Variants in KIAA1217 observed in about 807,000 individuals in gnomAD.
KIAA1217 encodes the protein sickle tail protein homolog.
A neutral mutation model predicts 163.9 loss-of-function variants in KIAA1217; 88 were observed. The ratio of observed to expected loss-of-function variants is 0.54; its 90% CI spans 0.45 to 0.64. KIAA1217 has a LOEUF of 0.64. Among genes scored for constraint, KIAA1217 ranks in the 30% least tolerant of loss-of-function variants. The probability of loss-of-function intolerance (pLI) is 0.00; values close to 1 mark genes in which losing one functional copy is unlikely to be tolerated. For missense variants in KIAA1217, 2,372 were observed against 2,475.0 expected, an observed-to-expected ratio of 0.96 and a Z score of 0.88; for synonymous variants, 903 against 923.1, an observed-to-expected ratio of 0.98 and a Z score of 0.39.
At position 23,963,815 on chromosome 10, in the gene KIAA1217, G is replaced by A. The variant is rs570730806; in HGVS notation, c.-320-43410G>A. 3.3e-5 allele frequency among the ~76,000 whole-genome samples: 5 copies of A among 151,992 alleles called. No homozygotes were observed. In the East Asian group the frequency reaches 9.7e-4, roughly 29 times the overall value. Reference sequence around the variant, plus strand: ...TTTTTAATCATAGCCATTCTAACTGGCATGAGATGGTATCTCATTGTGGTT... The same window carrying A: ...TTTTTAATCATAGCCATTCTAACTGACATGAGATGGTATCTCATTGTGGTT... On this transcript the variant is annotated intron_variant, in intron 1 of 18. Transcript: ENST00000376462.
At chr10:24,030,153 C>A (rs139192234) in intron 2 of KIAA1217, among the ~76,000 whole-genome samples, 128 of 152,284 alleles carry the variant, frequency 8.4e-4, no homozygotes, top group African/African-American at 3.1e-3. Flanking sequence ...ATAGGCATAA[C>A]ATAAAATTCA....
At chr10:23,921,708 C>A (rs1842853142) in intron 1 of KIAA1217, among the ~76,000 whole-genome samples, 1 of 152,082 alleles carries the variant, frequency 6.6e-6, no homozygotes, top group Non-Finnish European at 1.5e-5. Flanking sequence ...ACCCCCCTGG[C>A]TGTTTGGTTG....
chr10:24,515,787 T>C (rs1284729021), intron 10 of KIAA1217, among the ~76,000 whole-genome samples: 1 of 152,206 alleles, frequency 6.6e-6, no homozygotes, highest in Non-Finnish European at 1.5e-5. Context: ...AAATGGTTTG[T>C]TAGGCTGGGC....
intron 2 of KIAA1217, among the ~76,000 whole-genome samples, chr10:24,199,353 T>G (rs2067140385): frequency 1.3e-5 from 2 of 152,210 alleles, no homozygotes; most frequent in Non-Finnish European, 2.9e-5. Flanking sequence ...ATAATATAGA[T>G]GAGAGGAAGC....
intron 1 of KIAA1217, among the ~76,000 whole-genome samples, chr10:23,824,651 TAAA>T (rs1202271522): frequency 1.0e-3 from 75 of 72,346 alleles, no homozygotes; most frequent in African/African-American, 3.5e-3. Context: ...AAAAAAAAAA[TAAA>T]AAAAATATAT....
intron 2 of KIAA1217, among the ~76,000 whole-genome samples, chr10:24,326,433 A>T (rs553596488): frequency 3.9e-5 from 6 of 152,322 alleles, no homozygotes; most frequent in Admixed American, 2.6e-4. Context: ...CTCATGAAAC[A>T]TAAATATTTG....
intron 2 of KIAA1217, among the ~76,000 whole-genome samples, chr10:24,370,595 A>G (rs2051494813): frequency 2.0e-5 from 3 of 152,224 alleles, no homozygotes; most frequent in Non-Finnish European, 4.4e-5. Context: ...TTGTTTTTTT[A>G]GAGACAGGAT....
chr10:24,484,241 A>ATATATATATATTTTTTTTTTTTTTTT (rs1376083298), intron 6 of KIAA1217, among the ~76,000 whole-genome samples: 2 of 75,154 alleles, frequency 2.7e-5, no homozygotes, highest in Non-Finnish European at 5.0e-5. Flanking sequence ...ATATATATAT[A>ATATATATATATTTTTTTTTTTTTTTT]TTTTTTTTTT....
chr10:24,189,191 C>T (rs1403649294), intron 2 of KIAA1217, among the ~76,000 whole-genome samples: 1 of 151,938 alleles, frequency 6.6e-6, no homozygotes, highest in Non-Finnish European at 1.5e-5. Flanking sequence ...CTTATCAGGT[C>T]GTTGAGAGGA....
At chr10:23,866,942 G>A (rs1175158786) in intron 1 of KIAA1217, among the ~76,000 whole-genome samples, 1 of 151,014 alleles carries the variant, frequency 6.6e-6, no homozygotes, top group Admixed American at 6.6e-5. Context: ...CTGGTGTGCT[G>A]CACCCATTAA....
intron 2 of KIAA1217, among the ~76,000 whole-genome samples, chr10:24,148,462 T>C (rs1400627368): frequency 2.6e-5 from 4 of 152,152 alleles, no homozygotes; most frequent in African/African-American, 9.7e-5. Context: ...TGGGGCCTGG[T>C]GGGAGGTGAC....
intron 10 of KIAA1217, 109 bp from the exon 11 acceptor site, chr10:24,520,014 G>A (rs2070841418): frequency 1.6e-6 from 2 of 1,262,886 alleles, no homozygotes; most frequent in Non-Finnish European, 2.2e-6. Context: ...CAGGGGGGAG[G>A]AGCTGGGGCT....
chr10:24,161,275 C>T (rs2065107414), intron 2 of KIAA1217, among the ~76,000 whole-genome samples: 1 of 152,180 alleles, frequency 6.6e-6, no homozygotes. Context: ...CTTCTAAGAC[C>T]ATCCACATTT....
In KIAA1217 at chr10:24,546,101, C is replaced by T; in HGVS notation, c.5609C>T (p.Thr1870Ile). 1 of 1,614,206 alleles carries T rather than the reference C, an allele frequency of 6.2e-7. No individual in the cohort carries two copies. Among genetic ancestry groups the T allele is most frequent in the Non-Finnish European group, 8.5e-7 (1 of 1,180,046 alleles). ...TTGAAGTTTCAGAGCCTCACTCATA[C>T]AGGTAAAGGTCACCATCTTTCATTC... Reference protein sequence around the residue: ...GSLKFQSLTHTGKGHHLSFSP... With the variant: ...GSLKFQSLTHIGKGHHLSFSP... Residue 1870 changes from threonine (T) to isoleucine (I), a missense_variant, in exon 21 of 21, where the codon ACA (threonine) becomes ATA (isoleucine). By Grantham distance (89) the Thr-to-Ile change is moderately conservative. Around this residue, in one of 3 missense-constraint regions of KIAA1217, gnomAD observed 690 missense variants for 677.5 expected, o/e 1.02. Transcript: ENST00000376454.
chr10:23,825,905 T>G (rs1837874199), intron 1 of KIAA1217, among the ~76,000 whole-genome samples: 1 of 152,184 alleles, frequency 6.6e-6, no homozygotes. Context: ...GTTAGCAGTA[T>G]CAACCTGGGG....
At chr10:23,766,345 G>T (rs997764620) in intron 1 of KIAA1217, among the ~76,000 whole-genome samples, 31 of 152,198 alleles carry the variant, frequency 2.0e-4, no homozygotes, top group African/African-American at 7.5e-4. Context: ...ACAGTTAATA[G>T]TGTCCTCAAG....
chr10:24,239,509 T>A (rs969259122), intron 2 of KIAA1217, among the ~76,000 whole-genome samples: 47 of 151,880 alleles, frequency 3.1e-4, no homozygotes, highest in Non-Finnish European at 5.3e-4. Context: ...TTTTTTTTTT[T>A]TTATTGAATG....
intron 1 of KIAA1217, among the ~76,000 whole-genome samples, chr10:23,805,996 CAAAAAA>C (rs71397917): frequency 5.2e-4 from 16 of 30,502 alleles, no homozygotes; most frequent in Non-Finnish European, 7.8e-4. Flanking sequence ...AACTCCATCT[CAAAAAA>C]AAAAAAAAAA....
chr10:23,747,372 C>T (rs537739089), intron 1 of KIAA1217, among the ~76,000 whole-genome samples: 16 of 152,176 alleles, frequency 1.1e-4, no homozygotes, highest in African/African-American at 3.9e-4. Context: ...GATCCTGGGG[C>T]ACTGGGGTCT....
Sources: gnomAD v4.1 joint callset for allele counts (sites outside exome capture counted in the v4.1 genomes callset) on GRCh38, gnomAD v4.1.1 for gene constraint, gnomAD v4.1.1 regional missense constraint, MANE v1.5 for transcripts, NCBI Gene and HGNC (gene_info 2026-07-23, HGNC 2026-07-21) for gene names.